The following CNTNAP2 variants were observed in gnomAD, a reference collection of about 807,000 sequenced individuals.
CNTNAP2 encodes the protein contactin associated protein 2.
In CNTNAP2, 98 loss-of-function variants were observed where a neutral mutation model predicts 155.2. The observed-to-expected ratio is 0.63, with a 90% CI of 0.54 to 0.75. CNTNAP2 has a LOEUF of 0.75. CNTNAP2 is among the 30% of genes least tolerant of loss of function. The pLI is 0.00. For missense variants in CNTNAP2, 1,727 were observed against 1,688.1 expected (o/e 1.02, Z -0.40); for synonymous variants, 651 against 631.2 (o/e 1.03, Z -0.47).
intron 13 of CNTNAP2, among the ~76,000 whole-genome samples, chr7:147,825,463 A>G (rs1798431640): frequency 6.6e-6 from 1 of 152,220 alleles, no homozygotes; most frequent in Non-Finnish European, 1.5e-5. Context: ...TAACAAAGCT[A>G]TGAATAGAGT....
At chr7:148,136,698 G>A (rs1459329236) in intron 16 of CNTNAP2, among the ~76,000 whole-genome samples, 1 of 151,986 alleles carries the variant, frequency 6.6e-6, no homozygotes. Context: ...AACCATCCCA[G>A]GATGGAGGCT....
intron 1 of CNTNAP2, among the ~76,000 whole-genome samples, chr7:146,271,733 T>G (rs2129083427): frequency 6.6e-6 from 1 of 152,140 alleles, no homozygotes; most frequent in South Asian, 2.1e-4. Flanking sequence ...AGAGCCACAA[T>G]TTTCACAAAT....
chr7:147,603,246 G>A (rs1800990811), intron 12 of CNTNAP2, among the ~76,000 whole-genome samples: 1 of 151,980 alleles, frequency 6.6e-6, no homozygotes, highest in Non-Finnish European at 1.5e-5. Context: ...GTGATGATGA[G>A]CATTTTTTCA....
At chr7:147,978,961 C>T (rs1053448429) in intron 15 of CNTNAP2, among the ~76,000 whole-genome samples, 1 of 152,142 alleles carries the variant, frequency 6.6e-6, no homozygotes, top group African/African-American at 2.4e-5. Context: ...GATTTGGATT[C>T]CTCCTAGCAA....
rs137934824 is a variant in CNTNAP2, at chr7:148,312,359, G to A, written c.3475+45233G>A. 4.0e-3 allele frequency among the ~76,000 whole-genome samples: 603 copies of A among 152,316 alleles called. 10 individuals carry two copies. Among genetic ancestry groups the A allele is most frequent in the African/African-American group, 0.014 (569 of 41,552 alleles). ...TTTTATGATAATTATGCTGAGACAG[G>A]TAACAGATGAGGAAGAAATTTGGGC... On this transcript the variant is annotated intron_variant, in intron 21 of 23. Coordinates refer to ENST00000361727, the MANE Select transcript of CNTNAP2 (RefSeq NM_014141.6).
At chr7:146,458,639 G>A (rs948624004) in intron 1 of CNTNAP2, among the ~76,000 whole-genome samples, 1 of 152,150 alleles carries the variant, frequency 6.6e-6, no homozygotes, top group African/African-American at 2.4e-5. Flanking sequence ...ACTTGACTGG[G>A]CTATGGGGTA....
At chr7:146,917,938 TA>T (rs1796427029) in intron 3 of CNTNAP2, among the ~76,000 whole-genome samples, 1 of 152,218 alleles carries the variant, frequency 6.6e-6, no homozygotes, top group African/African-American at 2.4e-5. Flanking sequence ...AAAAATGAAC[TA>T]ATACGTCTTT....
Position 148,415,500 on chromosome 7 carries a change from C to T in CNTNAP2, c.3880C>T (p.His1294Tyr). The part of the protein sequence containing the change: ...RYMFRHKGTY[H>Y]TNEAKGAESA... The stretch of plus-strand genomic sequence containing the variant: ...CATGTTCCGCCACAAGGGCACCTAC[C>T]ATACCAACGAAGCAAAGGGGGCGGA... Residue 1294 changes from histidine (H) to tyrosine (Y), a missense_variant, in exon 24 of 24, where the codon CAT becomes TAT. Physicochemically the swap from His to Tyr is moderately conservative, Grantham distance 83. Coordinates refer to ENST00000361727, the MANE Select transcript of CNTNAP2 (RefSeq NM_014141.6). 1 of 1,614,250 alleles carries T rather than the reference C, an allele frequency of 6.2e-7. No homozygotes were observed. The highest frequency in any genetic ancestry group is 2.2e-5 in the East Asian group (1 of 44,880).
intron 1 of CNTNAP2, among the ~76,000 whole-genome samples, chr7:146,284,790 A>G (rs961769379): frequency 6.6e-6 from 1 of 152,218 alleles, no homozygotes; most frequent in Non-Finnish European, 1.5e-5. Flanking sequence ...TTATCACTGA[A>G]CAGGGCACAG....
At position 147,695,703 on chromosome 7, in the gene CNTNAP2, G is replaced by C. The variant is rs113986608; in HGVS notation, c.2098+56397G>C. Among the ~76,000 whole-genome samples, 1,207 of 152,266 alleles carry C rather than the reference G, an allele frequency of 7.9e-3. 10 individuals are homozygous for C. The highest frequency in any genetic ancestry group is 0.027 in the African/African-American group (1,134 of 41,548). Reference sequence around the variant, plus strand: ...TGTAATCCCAGCTACTCTGGAGACTGAGGCAGGAGAATCTCTTGAACCCGG... The same window carrying C: ...TGTAATCCCAGCTACTCTGGAGACTCAGGCAGGAGAATCTCTTGAACCCGG... On this transcript the variant is annotated intron_variant, in intron 13 of 23. Coordinates refer to ENST00000361727, the MANE Select transcript of CNTNAP2 (RefSeq NM_014141.6).
At chr7:146,278,400 G>C (rs182960051) in intron 1 of CNTNAP2, among the ~76,000 whole-genome samples, 1 of 151,994 alleles carries the variant, frequency 6.6e-6, no homozygotes, top group Non-Finnish European at 1.5e-5. Context: ...TGAAGATGAT[G>C]AATAAAGAAT....
chr7:146,285,978 C>CTGTG lies in CNTNAP2; in HGVS notation c.97+169047_97+169050dup, dbSNP rs540809295. On this transcript the variant is annotated intron_variant, in intron 1 of 23. Transcript: ENST00000361727. ...CTTCCTTCCTTCCTTCCTTCCTTCT[C>CTGTG]TGTGTGTGTGTGTGTGTGTGTGTGT... 7.5e-3 allele frequency among the ~76,000 whole-genome samples: 253 copies of CTGTG among 33,702 alleles called. 4 individuals are homozygous for CTGTG. Among genetic ancestry groups the CTGTG allele is most frequent in the African/African-American group, 0.039 (142 of 3,608 alleles). 22.1% of individuals were successfully genotyped at this position (33,702 alleles called of 152,430 possible). A position where few individuals can be genotyped will look rare whatever the true frequency, so the allele number is the denominator to read the frequency against.
At chr7:148,382,708 C>A (rs779438867) in intron 21 of CNTNAP2, among the ~76,000 whole-genome samples, 1 of 152,162 alleles carries the variant, frequency 6.6e-6, no homozygotes, top group Non-Finnish European at 1.5e-5. Context: ...GGGGTTGATG[C>A]GGCACTTGCT....
At chr7:147,848,154 A>C (rs1798845850) in intron 13 of CNTNAP2, among the ~76,000 whole-genome samples, 1 of 137,494 alleles carries the variant, frequency 7.3e-6, no homozygotes, top group Non-Finnish European at 1.6e-5. Flanking sequence ...TGCTTTGTTT[A>C]CCTAAGCAAG....
intron 1 of CNTNAP2, among the ~76,000 whole-genome samples, chr7:146,334,153 C>T (rs1261553751): frequency 2.6e-5 from 4 of 152,268 alleles, no homozygotes; most frequent in Middle Eastern, 3.4e-3. Flanking sequence ...GCGCCCTGGC[C>T]GGGCGCGGTG....
intron 9 of CNTNAP2, among the ~76,000 whole-genome samples, chr7:147,366,726 C>T (rs769454314): frequency 6.6e-6 from 1 of 151,810 alleles, no homozygotes; most frequent in South Asian, 2.1e-4. Context: ...TATCCACAAT[C>T]AAGTTTTATT....
intron 1 of CNTNAP2, among the ~76,000 whole-genome samples, chr7:146,579,109 G>A (rs1182385503): frequency 6.6e-6 from 1 of 152,088 alleles, no homozygotes; most frequent in African/African-American, 2.4e-5. Flanking sequence ...ACTCTCCCTA[G>A]ATGATTTCAT....
intron 13 of CNTNAP2, among the ~76,000 whole-genome samples, chr7:147,872,875 C>T (rs1047151752): frequency 3.3e-5 from 5 of 152,186 alleles, no homozygotes; most frequent in Admixed American, 2.0e-4. Context: ...AATTAAAACA[C>T]AAATATATAG....
intron 1 of CNTNAP2, among the ~76,000 whole-genome samples, chr7:146,335,509 A>C (rs149069712): frequency 9.7e-4 from 147 of 152,276 alleles, no homozygotes; most frequent in African/African-American, 3.4e-3. Context: ...TCCCAACATT[A>C]GATTTTCTCT....
Sources: allele counts gnomAD v4.1 joint callset (sites outside exome capture counted in the v4.1 genomes callset), GRCh38; gene constraint gnomAD v4.1.1; transcripts MANE v1.5; gene names NCBI Gene and HGNC (gene_info 2026-07-23, HGNC 2026-07-21).